Variants in NEO1 observed in about 807,000 individuals in gnomAD.
The protein encoded by NEO1 is neogenin.
Under a neutral mutation model 159.7 loss-of-function variants are expected in NEO1, and 63 were observed. The observed-to-expected ratio is 0.39, with a 90% CI of 0.32 to 0.49. The LOEUF (loss-of-function observed/expected upper bound fraction) is 0.49, where lower values mean the gene tolerates loss of function less well. Among genes scored for constraint, NEO1 ranks in the 20% least tolerant of loss-of-function variants. NEO1 has a pLI of 0.85. For missense variants in NEO1, 1,615 were observed against 1,831.0 expected, an observed-to-expected ratio of 0.88 and a Z score of 2.15; for synonymous variants, 633 against 662.0, an observed-to-expected ratio of 0.96 and a Z score of 0.67.
At chr15:73,259,008 G>T (rs2040494009) in intron 14 of NEO1, 132 bp downstream of exon 14, 2 of 701,526 alleles carry the variant, frequency 2.9e-6, no homozygotes, top group Non-Finnish European at 4.9e-6. Context: ...CGCTGCTGTT[G>T]TTCCTGTATT....
chr15:73,132,229 T>C (rs144193421), intron 4 of NEO1, among the ~76,000 whole-genome samples: 251 of 152,364 alleles, frequency 1.6e-3, no homozygotes, highest in African/African-American at 5.7e-3. Context: ...TATCCAACTT[T>C]TTAAGAGTAG....
At chr15:73,293,354 A>T (rs775518859) in intron 25 of NEO1, 36 bp from the exon 26 acceptor site, 2 of 1,611,462 alleles carry the variant, frequency 1.2e-6, no homozygotes, top group South Asian at 2.2e-5. Flanking sequence ...TTGTGCAAGC[A>T]TGTTAAGCAT....
At chr15:73,164,651 A>T (rs1198107914) in intron 5 of NEO1, among the ~76,000 whole-genome samples, 1 of 152,230 alleles carries the variant, frequency 6.6e-6, no homozygotes, top group African/African-American at 2.4e-5. Context: ...ATACAAAAAC[A>T]CCTTGACTTA....
intron 7 of NEO1, among the ~76,000 whole-genome samples, chr15:73,227,253 T>G (rs1005246266): frequency 6.6e-6 from 1 of 152,122 alleles, no homozygotes; most frequent in Non-Finnish European, 1.5e-5. Flanking sequence ...CCCAGCACTT[T>G]GGGAGGCCAA....
intron 6 of NEO1, 24 bp downstream of exon 6, chr15:73,176,581 G>A (rs377655879): frequency 3.8e-6 from 6 of 1,568,080 alleles, no homozygotes; most frequent in Admixed American, 1.8e-5. Flanking sequence ...AAAGAAGTGT[G>A]TTTATTTCTG....
At position 73,278,178 on chromosome 15, in the gene NEO1, G is replaced by GACT. The variant is rs1482433623; in HGVS notation, c.3244_3246dup (p.Tyr1082dup). 4.3e-6 allele frequency: 7 copies of GACT among 1,612,882 alleles called. No individual in the cohort carries two copies. The highest frequency in any genetic ancestry group is 1.7e-5 in the Admixed American group (1 of 59,994). ...AAGCCGGCTGCCAGACCTAGGATCC[G>GACT]ACTACAAACCTCCAATGAGCGGTAA... On this transcript the variant is annotated inframe_insertion, in exon 22 of 29. Coordinates refer to ENST00000261908, the MANE Select transcript of NEO1 (RefSeq NM_002499.4).
intron 1 of NEO1, among the ~76,000 whole-genome samples, chr15:73,109,926 G>A (rs970341278): frequency 1.4e-4 from 22 of 152,312 alleles, no homozygotes; most frequent in African/African-American, 5.1e-4. Flanking sequence ...GCTGTGCAGG[G>A]CAGAGAGAGA....
chr15:73,240,274 A>G (rs1322028605), intron 8 of NEO1, among the ~76,000 whole-genome samples: 1 of 152,092 alleles, frequency 6.6e-6, no homozygotes, highest in Non-Finnish European at 1.5e-5. Context: ...AAATTTTATG[A>G]TAGATTGTGG....
At chr15:73,258,308 C>T (rs753991837) in intron 13 of NEO1, among the ~76,000 whole-genome samples, 1 of 152,174 alleles carries the variant, frequency 6.6e-6, no homozygotes, top group African/African-American at 2.4e-5. Flanking sequence ...TGAGGTGGCT[C>T]AGAGAACAGA....
intron 23 of NEO1, among the ~76,000 whole-genome samples, chr15:73,286,036 T>A (rs1464394793): frequency 6.6e-6 from 1 of 152,146 alleles, no homozygotes; most frequent in Non-Finnish European, 1.5e-5. Flanking sequence ...TCTAACTTCT[T>A]CCAGCTTAAG....
At chr15:73,237,043 C>A (rs2039217438) in intron 8 of NEO1, among the ~76,000 whole-genome samples, 2 of 152,186 alleles carry the variant, frequency 1.3e-5, no homozygotes, top group Admixed American at 1.3e-4. Flanking sequence ...GCTGGCTTCA[C>A]TTTATCTGTC....
intron 23 of NEO1, among the ~76,000 whole-genome samples, chr15:73,283,467 G>C (rs1235912830): frequency 2.0e-5 from 3 of 152,306 alleles, no homozygotes; most frequent in East Asian, 3.9e-4. Flanking sequence ...AGTAGGAGAG[G>C]GCTTCCTGAC....
At chr15:73,156,994 G>A (rs2033828756) in intron 5 of NEO1, among the ~76,000 whole-genome samples, 1 of 152,166 alleles carries the variant, frequency 6.6e-6, no homozygotes, top group African/African-American at 2.4e-5. Flanking sequence ...CCACAGATGT[G>A]GCTTGTGTAA....
At chr15:73,290,224 ATTTTTTT>A (rs34114271) in intron 25 of NEO1, among the ~76,000 whole-genome samples, 32 of 82,248 alleles carry the variant, frequency 3.9e-4, no homozygotes, top group Admixed American at 8.3e-4. Context: ...ACTGTGTGGA[ATTTTTTT>A]TTTTTTTTTT....
intron 1 of NEO1, among the ~76,000 whole-genome samples, chr15:73,102,090 C>T (rs184844999): frequency 6.6e-6 from 1 of 151,992 alleles, no homozygotes; most frequent in African/African-American, 2.4e-5. Context: ...AATTTTAGTC[C>T]AGGTGCGGTG....
chr15:73,299,227 G>A (rs2042505598), intron 27 of NEO1, among the ~76,000 whole-genome samples: 1 of 152,006 alleles, frequency 6.6e-6, no homozygotes. Context: ...AAGCTATTGA[G>A]CACCTAAAAG....
chr15:73,274,679 C>T lies in NEO1; in HGVS notation c.3161-13C>T, dbSNP rs376423741. The T allele has an allele frequency of 6.2e-7, 1 of 1,613,570 alleles. No homozygotes were observed. The highest frequency in any genetic ancestry group is 1.3e-5 in the African/African-American group (1 of 74,886). On this transcript the variant is annotated splice_polypyrimidine_tract_variant and intron_variant, in intron 20 of 28. Transcript: ENST00000261908. ...TGCTCTTGTTTTTTCTTCCCCTGTG[C>T]TTGGCCTGTTAGCGGACTCCTCTGA...
At chr15:73,120,129 C>T (rs1160904404) in intron 2 of NEO1, among the ~76,000 whole-genome samples, 2 of 151,838 alleles carry the variant, frequency 1.3e-5, no homozygotes, top group African/African-American at 4.8e-5. Flanking sequence ...GAGTGAGACT[C>T]TGTCTCATAA....
intron 1 of NEO1, among the ~76,000 whole-genome samples, chr15:73,064,012 A>G (rs547042021): frequency 2.2e-4 from 34 of 152,340 alleles, no homozygotes; most frequent in Admixed American, 1.4e-3. Context: ...TGTGTGTATT[A>G]GGAAGTTCTA....
Sources: gnomAD v4.1 joint callset for allele counts (sites outside exome capture counted in the v4.1 genomes callset) on GRCh38, gnomAD v4.1.1 for gene constraint, MANE v1.5 for transcripts, NCBI Gene and HGNC (gene_info 2026-07-23, HGNC 2026-07-21) for gene names.